The following SYNE2 variants were observed in gnomAD, a reference collection of about 807,000 sequenced individuals.
SYNE2 encodes spectrin repeat containing nuclear envelope protein 2.
SYNE2 carries 431 observed loss-of-function variants against 856.3 expected under a neutral mutation model. The observed-to-expected ratio is 0.50, with a 90% confidence interval of 0.47 to 0.55. SYNE2 has a LOEUF of 0.55. Ranked by LOEUF, SYNE2 falls within the 20% of genes least tolerant of loss-of-function variation. The probability of loss-of-function intolerance (pLI) is 0.00; values close to 1 mark genes in which losing one functional copy is unlikely to be tolerated. For synonymous variants in SYNE2, 2,923 were observed against 2,872.3 expected (o/e 1.02, Z -0.56); for missense variants, 8,129 against 8,023.2 (o/e 1.01, Z -0.50).
intron 84 of SYNE2, among the ~76,000 whole-genome samples, chr14:64,149,943 C>T (rs576396688): frequency 2.0e-5 from 3 of 150,532 alleles, no homozygotes; most frequent in South Asian, 2.1e-4. Flanking sequence ...GCAAAAGAAA[C>T]GAGCAACCCC....
At chr14:63,783,638 A>T (rs1355294160) in intron 1 of SYNE2, among the ~76,000 whole-genome samples, 1 of 152,208 alleles carries the variant, frequency 6.6e-6, no homozygotes, top group East Asian at 1.9e-4. Flanking sequence ...TCTAATTATG[A>T]TGAAACATAA....
At chr14:64,224,915 T>A in intron 114 of SYNE2, 84 bp from the exon 115 acceptor site, 1 of 1,334,244 alleles carries the variant, frequency 7.5e-7, no homozygotes, top group Non-Finnish European at 1.0e-6. Context: ...TGGTATATAA[T>A]TTAAGGGAGG....
At chr14:64,209,405 T>C (rs1046284112) in intron 101 of SYNE2, 23 bp from the exon 102 acceptor site, 1 of 1,614,204 alleles carries the variant, frequency 6.2e-7, no homozygotes. Context: ...ATGGCTTGTG[T>C]TAAGTTGCTT....
intron 1 of SYNE2, among the ~76,000 whole-genome samples, chr14:63,802,380 T>C (rs1888173217): frequency 6.6e-6 from 1 of 151,914 alleles, no homozygotes; most frequent in Admixed American, 6.6e-5. Context: ...GTTCTGGGAT[T>C]ACAGGCATGA....
intron 17 of SYNE2, 80 bp downstream of exon 17, chr14:63,982,874 C>G: frequency 7.0e-7 from 1 of 1,427,246 alleles, no homozygotes; most frequent in Non-Finnish European, 9.8e-7. Flanking sequence ...AGTTCATAAC[C>G]AATTGATTTC....
chr14:63,819,052 G>GA (rs900669120), intron 1 of SYNE2, among the ~76,000 whole-genome samples: 156 of 144,070 alleles, frequency 1.1e-3, no homozygotes, highest in Middle Eastern at 3.5e-3. Context: ...AATAAGGCAA[G>GA]AAAAAAAAAA....
intron 2 of SYNE2, among the ~76,000 whole-genome samples, chr14:63,919,627 G>A (rs146437382): frequency 4.6e-5 from 7 of 152,302 alleles, no homozygotes; most frequent in Non-Finnish European, 8.8e-5. Flanking sequence ...ACAAGGAAAG[G>A]ACACTGAGAA....
At position 64,187,737 on chromosome 14, in the gene SYNE2, C is replaced by T. The variant is rs144356189; in HGVS notation, c.17713-813C>T. Among the ~76,000 whole-genome samples the T allele has an allele frequency of 2.6e-4, 39 of 152,226 alleles. No homozygotes were observed. The East Asian group carries it at 6.9e-3, about 27-fold the overall frequency. ...CATATAGTGGGGTGTCAAAACTTTA[C>T]CAAAAGAACTCTTAGCCACCCCTTT... On this transcript the variant is annotated intron_variant, in intron 97 of 115. Coordinates refer to ENST00000555002, the MANE Select transcript of SYNE2 (RefSeq NM_182914.3).
chr14:63,997,438 G>A (rs2096722086), intron 25 of SYNE2, 47 bp downstream of exon 25: 2 of 1,419,012 alleles, frequency 1.4e-6, no homozygotes, highest in Non-Finnish European at 2.0e-6. Context: ...CAAAGTAAAA[G>A]ACCAAGTGTA....
chr14:63,778,380 A>G (rs967150968), intron 1 of SYNE2, among the ~76,000 whole-genome samples: 4 of 152,192 alleles, frequency 2.6e-5, no homozygotes, highest in Non-Finnish European at 5.9e-5. Context: ...TCTTTACAGC[A>G]GTGTGAAAAT....
At chr14:64,048,848 G>T (rs1293761110) in intron 46 of SYNE2, 1 of 150,428 alleles carries the variant, frequency 6.6e-6, no homozygotes, top group Non-Finnish European at 1.5e-5. Flanking sequence ...GTTCAAGGTT[G>T]CAGTGAGGTG....
intron 1 of SYNE2, among the ~76,000 whole-genome samples, chr14:63,904,166 T>C (rs985426882): frequency 2.0e-5 from 3 of 152,200 alleles, no homozygotes; most frequent in African/African-American, 4.8e-5. Context: ...TTCTTTTTTA[T>C]GGCTTGTAGT....
At chr14:64,004,896 A>C (rs1184712881) in intron 30 of SYNE2, among the ~76,000 whole-genome samples, 2 of 152,240 alleles carry the variant, frequency 1.3e-5, no homozygotes, top group African/African-American at 2.4e-5. Context: ...AGAAAGAAAA[A>C]GAAATTCTAT....
intron 85 of SYNE2, among the ~76,000 whole-genome samples, chr14:64,153,179 C>T (rs2098258291): frequency 6.6e-6 from 1 of 152,096 alleles, no homozygotes; most frequent in Non-Finnish European, 1.5e-5. Flanking sequence ...AGAAACACTA[C>T]ATGGTGTTGA....
intron 100 of SYNE2, among the ~76,000 whole-genome samples, chr14:64,203,631 C>T (rs2098589791): frequency 6.6e-6 from 1 of 152,196 alleles, no homozygotes; most frequent in African/African-American, 2.4e-5. Flanking sequence ...TGCTCATTCT[C>T]ACTTGTAATG....
chr14:63,837,030 G>A (rs1456487687), intron 1 of SYNE2, among the ~76,000 whole-genome samples: 1 of 152,110 alleles, frequency 6.6e-6, no homozygotes, highest in Admixed American at 6.6e-5. Context: ...TTTAATTTGT[G>A]TTACTATTAT....
intron 45 of SYNE2, among the ~76,000 whole-genome samples, chr14:64,044,640 C>T (rs900380577): frequency 1.3e-5 from 2 of 152,190 alleles, no homozygotes; most frequent in South Asian, 2.1e-4. Context: ...ATGGGAGGAA[C>T]CTGGTGGGAG....
Position 63,940,688 on chromosome 14 carries a change from A to G in SYNE2, c.141+13A>G, listed in dbSNP as rs1185398879. 4 of 1,613,012 alleles carry G rather than the reference A, an allele frequency of 2.5e-6. No homozygotes were observed. Among genetic ancestry groups the G allele is most frequent in the Non-Finnish European group, 2.5e-6 (3 of 1,179,104 alleles). ...ACAGTTGGCCAGGGTAAGCAAATGA[A>G]GACCAAATTAGTTTATAAATCTATT... On this transcript the variant is annotated intron_variant, in intron 3 of 115. Transcript: ENST00000555002.
At chr14:64,182,452 G>T (rs908748914) in intron 96 of SYNE2, among the ~76,000 whole-genome samples, 1 of 151,716 alleles carries the variant, frequency 6.6e-6, no homozygotes, top group South Asian at 2.1e-4. Context: ...GATTTGGCAC[G>T]GTCATAGGAC....
Sources: allele counts gnomAD v4.1 joint callset (sites outside exome capture counted in the v4.1 genomes callset), GRCh38; gene constraint gnomAD v4.1.1; transcripts MANE v1.5; gene names NCBI Gene and HGNC (gene_info 2026-07-23, HGNC 2026-07-21).